The following CPS1 variants were observed in gnomAD, a reference collection of about 807,000 sequenced individuals.
The protein encoded by CPS1 is carbamoyl-phosphate synthase [ammonia], mitochondrial.
A neutral mutation model predicts 174.6 loss-of-function variants in CPS1; 109 were observed. That is an observed-to-expected ratio of 0.62 (90% CI 0.53 to 0.73). The LOEUF (loss-of-function observed/expected upper bound fraction) is 0.73, where lower values mean the gene tolerates loss of function less well. Ranked by LOEUF, CPS1 falls within the 30% of genes least tolerant of loss-of-function variation. CPS1 has a pLI of 0.00. For synonymous variants in CPS1, 637 were observed against 632.0 expected (o/e 1.01, Z -0.12); for missense variants, 1,689 against 1,821.9 (o/e 0.93, Z 1.33).
At chr2:210,657,988 AG>A (rs1299894223) in intron 30 of CPS1, among the ~76,000 whole-genome samples, 2 of 152,190 alleles carry the variant, frequency 1.3e-5, no homozygotes, top group African/African-American at 4.8e-5. Flanking sequence ...GAGCATAATG[AG>A]TGAGGAGCTC....
intron 1 of CPS1, among the ~76,000 whole-genome samples, chr2:210,533,541 C>T (rs971556614): frequency 6.6e-6 from 1 of 152,150 alleles, no homozygotes; most frequent in Non-Finnish European, 1.5e-5. Flanking sequence ...ACCAGGAAGT[C>T]AGGCTCTCGA....
chr2:210,667,248 A>C (rs1271953539), intron 33 of CPS1, among the ~76,000 whole-genome samples: 1 of 152,182 alleles, frequency 6.6e-6, no homozygotes, highest in East Asian at 1.9e-4. Flanking sequence ...GGGGTTTTCT[A>C]GATATACAAT....
At chr2:210,553,187 T>C (rs1036594947), upstream of CPS1, among the ~76,000 whole-genome samples, 2 of 151,460 alleles carry the variant, frequency 1.3e-5, no homozygotes, top group African/African-American at 4.8e-5. Context: ...AAAAGCATTA[T>C]GCAAGTCAAT....
chr2:210,566,121 G>A (rs1462401179), intron 1 of CPS1, among the ~76,000 whole-genome samples: 1 of 152,170 alleles, frequency 6.6e-6, no homozygotes, highest in Non-Finnish European at 1.5e-5. Context: ...GGGCAATGCA[G>A]CCCTCTACAG....
In CPS1 at chr2:210,642,539, A is replaced by G. The variant is rs1490262892; in HGVS notation, c.3015A>G (p.Gln1005=). Residue 1005 remains glutamine (Q), a synonymous_variant, in exon 25 of 38, where the codon CAA becomes CAG. Transcript: ENST00000233072. ...TCTCTAGTATCCGCACACTGCGTCA[A>G]CTTGGCAAGAAGACGGTGGTGGTGA... ...CAVSSIRTLR[Q]LGKKTVVVNC... 1.3e-5 allele frequency: 21 copies of G among 1,613,932 alleles called. No homozygotes were observed. Among genetic ancestry groups the G allele is most frequent in the African/African-American group, 4.0e-5 (3 of 74,918 alleles).
intron 1 of CPS1, among the ~76,000 whole-genome samples, chr2:210,568,746 A>G (rs1179711052): frequency 1.3e-5 from 2 of 152,094 alleles, no homozygotes; most frequent in African/African-American, 2.4e-5. Flanking sequence ...GTTTTAAAAT[A>G]TTCGTAAGAC....
chr2:210,623,212 A>G (rs1189977867), intron 21 of CPS1, among the ~76,000 whole-genome samples: 1 of 152,152 alleles, frequency 6.6e-6, no homozygotes, highest in Non-Finnish European at 1.5e-5. Context: ...TATGTTAGCA[A>G]TGTTGTAGAT....
At chr2:210,616,699 GTTT>G (rs76911251) in intron 21 of CPS1, among the ~76,000 whole-genome samples, 158 bp downstream of exon 21, 1 of 141,242 alleles carries the variant, frequency 7.1e-6, no homozygotes. Context: ...CAAATGGCAG[GTTT>G]TTTTTTTTTT....
chr2:210,524,551 A>G (rs1322446128), intron 1 of CPS1, among the ~76,000 whole-genome samples: 1 of 151,862 alleles, frequency 6.6e-6, no homozygotes, highest in Non-Finnish European at 1.5e-5. Flanking sequence ...TCCTTATTTT[A>G]TGGTTTCTAT....
At chr2:210,641,258 C>T (rs1700215346) in intron 24 of CPS1, among the ~76,000 whole-genome samples, 1 of 151,992 alleles carries the variant, frequency 6.6e-6, no homozygotes, top group South Asian at 2.1e-4. Flanking sequence ...AGAAGCTGGG[C>T]CTATAGGCAT....
At chr2:210,477,861 C>T (rs939084908) in intron 1 of CPS1, 78 of 1,392,374 alleles carry the variant, frequency 5.6e-5, no homozygotes, top group Non-Finnish European at 7.1e-5. Flanking sequence ...GACATTTTAT[C>T]AATTATTTTT....
intron 1 of CPS1, among the ~76,000 whole-genome samples, chr2:210,536,408 C>T (rs1158891769): frequency 6.6e-6 from 1 of 151,024 alleles, no homozygotes; most frequent in Admixed American, 6.6e-5. Context: ...GCAAGCTCCG[C>T]CTCCCGGGTT....
intron 1 of CPS1, among the ~76,000 whole-genome samples, chr2:210,540,065 C>T (rs1395627898): frequency 2.0e-5 from 3 of 152,174 alleles, no homozygotes; most frequent in Admixed American, 1.3e-4. Context: ...CTTCTTCCTA[C>T]CACTTCACCA....
chr2:210,590,774 G>T, intron 8 of CPS1, 26 bp from the exon 9 acceptor site: 2 of 1,581,392 alleles, frequency 1.3e-6, no homozygotes, highest in South Asian at 2.2e-5. Flanking sequence ...GTACTAATTG[G>T]TTAATAAAAA....
At chr2:210,516,120 T>C (rs980338734) in intron 1 of CPS1, among the ~76,000 whole-genome samples, 4 of 151,828 alleles carry the variant, frequency 2.6e-5, no homozygotes, top group Admixed American at 2.0e-4. Flanking sequence ...TGGCTGAGCA[T>C]GTGGTTGACC....
In CPS1 at chr2:210,660,503, A is replaced by T; in HGVS notation, c.3775A>T (p.Arg1259Ter). The change falls in exon 32 of 38, where the codon AGA (arginine) becomes TGA (stop). Residue 1259 changes from arginine (R) to a stop codon, truncating the protein, a stop_gained. Transcript: ENST00000233072. LOFTEE classifies it high-confidence loss of function. ...TCTTCAGGTGATTGAGTGTAACTTG[A>T]GAGCTTCTCGATCCTTCCCCTTTGT... Reference protein sequence around the residue: ...NDVLVIECNLRASRSFPFVSK... With the variant: ...NDVLVIECNL The T allele has an allele frequency of 6.2e-7, 1 of 1,614,118 alleles. No homozygotes were observed. Among genetic ancestry groups the T allele is most frequent in the Non-Finnish European group, 8.5e-7 (1 of 1,179,976 alleles).
At chr2:210,507,449 C>T (rs962151017) in intron 1 of CPS1, among the ~76,000 whole-genome samples, 33 of 152,224 alleles carry the variant, frequency 2.2e-4, no homozygotes, top group African/African-American at 8.0e-4. Context: ...ACCAGCGAGG[C>T]TAGGAAGAAA....
At chr2:210,672,713 C>T (rs1336044916) in intron 34 of CPS1, 2 of 152,054 alleles carry the variant, frequency 1.3e-5, no homozygotes, top group Non-Finnish European at 2.9e-5. Context: ...CTGTTTGGTC[C>T]TAAGTGGAAA....
rs186887046 is a variant in CPS1 at position 210,544,540 on chromosome 2, C to A, written c.4-12179C>A. ...TTTAATATTAAAACTCCTAATTCTG[C>A]TTGTTGCTGAGCTTAACTCTATGTA... On this transcript the variant is annotated intron_variant, in intron 1 of 38. Coordinates refer to the CPS1 transcript ENST00000430249. Among the ~76,000 whole-genome samples the A allele has an allele frequency of 1.1e-3, 162 of 152,102 alleles. 4 individuals are homozygous for A. Among genetic ancestry groups the A allele is most frequent in the Non-Finnish European group, 1.2e-4 (8 of 67,984 alleles).
Sources: allele counts gnomAD v4.1 joint callset (sites outside exome capture counted in the v4.1 genomes callset), GRCh38; gene constraint gnomAD v4.1.1; transcripts MANE v1.5; gene names NCBI Gene and HGNC (gene_info 2026-07-23, HGNC 2026-07-21).